GLRB: variants seen among roughly 807,000 people sequenced by gnomAD.
GLRB encodes the protein glycine receptor beta, also known as glycine receptor subunit beta.
In GLRB, 33 loss-of-function variants were observed where a neutral mutation model predicts 54.2. That is an observed-to-expected ratio of 0.61 (90% confidence interval 0.46 to 0.81). The LOEUF (loss-of-function observed/expected upper bound fraction) is 0.81. Ranked by LOEUF, GLRB falls within the 40% of genes least tolerant of loss-of-function variation. The pLI is 0.00. For synonymous variants in GLRB, 209 were observed against 208.2 expected (o/e 1.00, Z -0.03); for missense variants, 572 against 584.6 (o/e 0.98, Z 0.22).
In GLRB at chr4:157,170,667, G is replaced by A. The variant is rs1161424383; in HGVS notation, c.1433G>A (p.Arg478Lys). 5.0e-6 allele frequency: 8 copies of A among 1,607,900 alleles called. No individual in the cohort carries two copies. The highest frequency in any genetic ancestry group is 5.1e-6 in the Non-Finnish European group (6 of 1,175,712). Residue 478 changes from arginine (R) to lysine (K), a missense_variant, in exon 10 of 10, where the codon AGA becomes AAA. Transcript: ENST00000264428. ...TAAKRIDLYA[R>K]ALFPFCFLFF... ...GCAAAGCGAATTGATCTTTATGCAA[G>A]AGCATTGTTTCCTTTCTGCTTCTTG...
At chr4:157,117,127 C>T (rs1033745126) in intron 2 of GLRB, among the ~76,000 whole-genome samples, 2 of 151,552 alleles carry the variant, frequency 1.3e-5, no homozygotes, top group African/African-American at 4.8e-5. Flanking sequence ...ATTTTCAGTA[C>T]TAATGATTTT....
chr4:157,147,396 G>A (rs1031475355), intron 8 of GLRB, among the ~76,000 whole-genome samples: 2 of 152,140 alleles, frequency 1.3e-5, no homozygotes, highest in Admixed American at 6.5e-5. Flanking sequence ...GAGGTCATTG[G>A]TGTCCATGGA....
chr4:157,107,749 A>G (rs939138519), intron 2 of GLRB, among the ~76,000 whole-genome samples: 8 of 152,160 alleles, frequency 5.3e-5, no homozygotes, highest in African/African-American at 1.7e-4. Context: ...GATCTAGCTA[A>G]GATCTTTGAT....
At chr4:157,111,560 G>A (rs565940568) in intron 2 of GLRB, among the ~76,000 whole-genome samples, 2 of 151,890 alleles carry the variant, frequency 1.3e-5, no homozygotes, top group African/African-American at 2.4e-5. Flanking sequence ...ATTTTCCTAC[G>A]AGTTCAGTGT....
chr4:157,136,840 A>T lies in GLRB; in HGVS notation c.564A>T (p.Thr188=). ...CTCTTTCATGCCCTTTGGACTTGAC[A>T]TTGTTTCCCATGGATACACAACGTT... The part of the protein sequence containing the change: ...SITLSCPLDL[T]LFPMDTQRCK... Residue 188 remains threonine (T), a synonymous_variant, in exon 6 of 10, where the codon ACA becomes ACT. Transcript: ENST00000264428. 6.2e-7 allele frequency: 1 copy of T among 1,611,106 alleles called. No individual in the cohort carries two copies. Among genetic ancestry groups the T allele is most frequent in the Non-Finnish European group, 8.5e-7 (1 of 1,177,332 alleles).
At chr4:157,100,789 A>G (rs1734990909) in intron 2 of GLRB, among the ~76,000 whole-genome samples, 2 of 152,156 alleles carry the variant, frequency 1.3e-5, no homozygotes, top group South Asian at 4.1e-4. Context: ...TAGATCTGGG[A>G]TTTTGGTTAT....
intron 2 of GLRB, among the ~76,000 whole-genome samples, chr4:157,119,851 A>C (rs1382680695): frequency 6.6e-6 from 1 of 151,720 alleles, no homozygotes; most frequent in Non-Finnish European, 1.5e-5. Flanking sequence ...TAGAACTAGA[A>C]ATGCCATTTG....
chr4:157,120,266 G>A (rs967239207), intron 2 of GLRB, among the ~76,000 whole-genome samples: 2 of 149,220 alleles, frequency 1.3e-5, no homozygotes, highest in Admixed American at 1.3e-4. Context: ...ATAGCTTTAG[G>A]AGATATACCT....
At chr4:157,095,234 G>A (rs1227376112) in intron 2 of GLRB, among the ~76,000 whole-genome samples, 1 of 151,376 alleles carries the variant, frequency 6.6e-6, no homozygotes, top group Admixed American at 6.6e-5. Flanking sequence ...AGGTCAGAAA[G>A]GTTGTAATGG....
chr4:157,098,277 A>C (rs912114571), intron 2 of GLRB, among the ~76,000 whole-genome samples: 5 of 152,162 alleles, frequency 3.3e-5, no homozygotes, highest in African/African-American at 1.2e-4. Context: ...TTTAATTGTT[A>C]TGAATATATT....
At chr4:157,099,496 C>T (rs1237860810) in intron 2 of GLRB, among the ~76,000 whole-genome samples, 1 of 151,908 alleles carries the variant, frequency 6.6e-6, no homozygotes, top group East Asian at 1.9e-4. Context: ...GTCACCACAC[C>T]TGGCTAATTT....
In GLRB at chr4:157,170,657, C is replaced by A. The variant is rs750759422; in HGVS notation, c.1423C>A (p.Leu475Ile). Reference sequence around the variant, plus strand: ...TCCAACAGCAGCAAAGCGAATTGATCTTTATGCAAGAGCATTGTTTCCTTT... The same window carrying A: ...TCCAACAGCAGCAAAGCGAATTGATATTTATGCAAGAGCATTGTTTCCTTT... Reference protein sequence around the residue: ...VIPTAAKRIDLYARALFPFCF... With the variant: ...VIPTAAKRIDIYARALFPFCF... Residue 475 changes from leucine (L) to isoleucine (I), a missense_variant, in exon 10 of 10, where the codon CTT becomes ATT. Transcript: ENST00000264428. 1.2e-5 allele frequency: 19 copies of A among 1,609,694 alleles called. No homozygotes were observed. The highest frequency in any genetic ancestry group is 1.7e-5 in the Admixed American group (1 of 59,802).
chr4:157,136,512 C>T lies in GLRB; in HGVS notation c.341C>T (p.Pro114Leu). The change falls in exon 5 of 10, where the codon CCC becomes CTC. Residue 114 changes from proline (P) to leucine (L), a missense_variant. Transcript: ENST00000264428. ...NIFLRQKWNDPRLKLPSDFRG... is the reference protein window; with the variant it reads ...NIFLRQKWNDLRLKLPSDFRG... Reference sequence around the variant, plus strand: ...TTCCTGAGACAAAAATGGAATGACCCCAGGCTGAAGCTCCCCAGTGATTTT... The same window carrying T: ...TTCCTGAGACAAAAATGGAATGACCTCAGGCTGAAGCTCCCCAGTGATTTT... 6.2e-7 allele frequency: 1 copy of T among 1,612,776 alleles called. No individual in the cohort carries two copies. The highest frequency in any genetic ancestry group is 8.5e-7 in the Non-Finnish European group (1 of 1,178,916).
chr4:157,151,708 T>A (rs1289337013), intron 8 of GLRB, among the ~76,000 whole-genome samples: 1 of 152,112 alleles, frequency 6.6e-6, no homozygotes, highest in Non-Finnish European at 1.5e-5. Flanking sequence ...TGTTTGTAAT[T>A]TCATGGGAAG....
At chr4:157,125,524 G>C (rs763668541) in intron 4 of GLRB, among the ~76,000 whole-genome samples, 1 of 151,834 alleles carries the variant, frequency 6.6e-6, no homozygotes, top group Non-Finnish European at 1.5e-5. Context: ...TTTCACAGTA[G>C]TATATTATCC....
intron 3 of GLRB, among the ~76,000 whole-genome samples, chr4:157,121,318 C>T (rs1735809915): frequency 6.6e-6 from 1 of 151,558 alleles, no homozygotes; most frequent in Non-Finnish European, 1.5e-5. Context: ...GCAGATTGTG[C>T]AGTTGTAGAG....
Position 157,091,441 on chromosome 4 carries a change from A to T in GLRB, c.122+13295A>T, listed in dbSNP as rs527790385. 1.4e-4 allele frequency: 21 copies of T among 152,318 alleles called. No homozygotes were observed. In the South Asian group the frequency reaches 3.7e-3, roughly 27 times the overall value. The allele number at this position is 152,318 out of a possible 1,614,324, so 9.4% of individuals were successfully genotyped here. A position where few individuals can be genotyped will look rare whatever the true frequency, so the allele number is the denominator to read the frequency against. ...TGCTAAAACACCAACAGTTTTTCCCACCATTGCTTTGGTACCATCAGTGCA... is the reference window on the plus strand; with the variant it reads ...TGCTAAAACACCAACAGTTTTTCCCTCCATTGCTTTGGTACCATCAGTGCA... On this transcript the variant is annotated intron_variant, in intron 2 of 9. Transcript: ENST00000264428.
intron 2 of GLRB, among the ~76,000 whole-genome samples, chr4:157,097,819 G>A (rs542823024): frequency 8.5e-5 from 13 of 152,228 alleles, no homozygotes; most frequent in African/African-American, 2.4e-4. Flanking sequence ...TCAGGAGTTC[G>A]AGACCAGCCT....
intron 6 of GLRB, among the ~76,000 whole-genome samples, chr4:157,138,268 G>C (rs1244800189): frequency 6.6e-6 from 1 of 152,088 alleles, no homozygotes; most frequent in Non-Finnish European, 1.5e-5. Context: ...TAGACATGGG[G>C]TTTCACTATA....
Sources: allele counts gnomAD v4.1 joint callset (sites outside exome capture counted in the v4.1 genomes callset), GRCh38; gene constraint gnomAD v4.1.1; transcripts MANE v1.5; gene names NCBI Gene and HGNC (gene_info 2026-07-23, HGNC 2026-07-21).